SPSB4: variants seen among roughly 807,000 people sequenced by gnomAD.
The protein encoded by SPSB4 is splA/ryanodine receptor domain and SOCS box containing 4.
A neutral mutation model predicts 20.9 loss-of-function variants in SPSB4; 21 were observed. The observed-to-expected ratio is 1.01, with a 90% confidence interval of 0.71 to 1.45. SPSB4 has a LOEUF of 1.45. SPSB4 is among the 40% of genes most tolerant of loss of function. The probability of loss-of-function intolerance (pLI) is 0.00; values close to 1 mark genes in which losing one functional copy is unlikely to be tolerated. For missense variants in SPSB4, 399 were observed against 399.2 expected, an observed-to-expected ratio of 1.00 and a Z score of 0.00; for synonymous variants, 207 against 183.8, an observed-to-expected ratio of 1.13 and a Z score of -1.02.
chr3:141,112,644 C>CAAAAAAAAAAAAAAAAAAAAA (rs60396514), intron 2 of SPSB4, among the ~76,000 whole-genome samples: 2 of 32,878 alleles, frequency 6.1e-5, no homozygotes, highest in African/African-American at 1.2e-4. Context: ...GACTCCGTCT[C>CAAAAAAAAAAAAAAAAAAAAA]AAAAAAAAAA....
chr3:141,102,479 C>A (rs1215629493), intron 2 of SPSB4, among the ~76,000 whole-genome samples: 2 of 152,044 alleles, frequency 1.3e-5, no homozygotes, highest in Non-Finnish European at 2.9e-5. Flanking sequence ...ATCTAAGGAA[C>A]CTCTAAGCTT....
intron 2 of SPSB4, among the ~76,000 whole-genome samples, chr3:141,142,803 C>CTTTTTTTTTTTTTTTTTTTTT (rs57674247): frequency 1.6e-5 from 1 of 61,992 alleles, no homozygotes; most frequent in African/African-American, 5.1e-5. Context: ...CCCTCTTTGT[C>CTTTTTTTTTTTTTTTTTTTTT]TTTTTTTTTT....
chr3:141,070,869 G>A (rs1366336832), intron 2 of SPSB4, among the ~76,000 whole-genome samples: 4 of 152,338 alleles, frequency 2.6e-5, no homozygotes, highest in South Asian at 2.1e-4. Flanking sequence ...TTGTGGAGAC[G>A]TTTACCCTCA....
chr3:141,087,416 G>C (rs968830588), intron 2 of SPSB4, among the ~76,000 whole-genome samples: 2 of 152,204 alleles, frequency 1.3e-5, no homozygotes, highest in Non-Finnish European at 2.9e-5. Flanking sequence ...AGACAAAATT[G>C]AAGAAGGTGG....
chr3:141,077,939 C>T (rs1157156425), intron 2 of SPSB4, among the ~76,000 whole-genome samples: 1 of 152,266 alleles, frequency 6.6e-6, no homozygotes, highest in Non-Finnish European at 1.5e-5. Context: ...GCATCAACTG[C>T]ACGTCTGCCA....
chr3:141,134,675 T>C (rs1437321858), intron 2 of SPSB4, among the ~76,000 whole-genome samples: 1 of 152,180 alleles, frequency 6.6e-6, no homozygotes, highest in African/African-American at 2.4e-5. Context: ...ACCTGCTTGA[T>C]CATGGTTAAT....
At chr3:141,075,853 C>G (rs1437381293) in intron 2 of SPSB4, among the ~76,000 whole-genome samples, 2 of 149,888 alleles carry the variant, frequency 1.3e-5, no homozygotes, top group Admixed American at 1.3e-4. Context: ...TCGAGACCAC[C>G]CTGTCCAACA....
At chr3:141,112,751 G>A (rs1938823112) in intron 2 of SPSB4, among the ~76,000 whole-genome samples, 1 of 151,882 alleles carries the variant, frequency 6.6e-6, no homozygotes, top group Admixed American at 6.6e-5. Flanking sequence ...ACCCTAGATG[G>A]GTTATTGGGT....
intron 2 of SPSB4, among the ~76,000 whole-genome samples, chr3:141,111,255 G>A (rs1386185881): frequency 6.6e-6 from 1 of 151,250 alleles, no homozygotes; most frequent in Non-Finnish European, 1.5e-5. Flanking sequence ...AATATTCATA[G>A]GTTTCACTGT....
chr3:141,127,632 G>A (rs1406085401), intron 2 of SPSB4, among the ~76,000 whole-genome samples: 1 of 152,120 alleles, frequency 6.6e-6, no homozygotes. Flanking sequence ...TCACTGCCAG[G>A]ATTAAATGTG....
Position 141,075,519 on chromosome 3 carries a change from C to G in SPSB4, c.694+8721C>G, listed in dbSNP as rs1039997893. 2.6e-5 allele frequency among the ~76,000 whole-genome samples: 4 copies of G among 152,300 alleles called. No individual in the cohort carries two copies. The South Asian group carries it at 8.3e-4, about 32-fold the overall frequency. ...GATGGCACTTACCCCGTAGAGTTGT[C>G]AGCAACACTTCTCAAACCTCAGTGT... On this transcript the variant is annotated intron_variant, in intron 2 of 2. Transcript: ENST00000310546.
At chr3:141,115,926 TACTTA>T (rs1022793932) in intron 2 of SPSB4, among the ~76,000 whole-genome samples, 9 of 152,194 alleles carry the variant, frequency 5.9e-5, no homozygotes, top group East Asian at 1.9e-4. Context: ...TCATCAGTTT[TACTTA>T]ACTTAAGAAA....
intron 2 of SPSB4, among the ~76,000 whole-genome samples, chr3:141,130,379 A>G (rs1939114375): frequency 6.6e-6 from 1 of 152,192 alleles, no homozygotes; most frequent in Non-Finnish European, 1.5e-5. Context: ...CACCAAAACC[A>G]TAGTCTGTGG....
At chr3:141,142,415 TAA>T (rs1939344679) in intron 2 of SPSB4, among the ~76,000 whole-genome samples, 1 of 152,360 alleles carries the variant, frequency 6.6e-6, no homozygotes, top group East Asian at 1.9e-4. Context: ...ATACTTGATA[TAA>T]GTTTGATTTT....
chr3:141,103,161 A>G (rs1938638780), intron 2 of SPSB4, among the ~76,000 whole-genome samples: 1 of 152,230 alleles, frequency 6.6e-6, no homozygotes, highest in African/African-American at 2.4e-5. Flanking sequence ...AGCAGCCTAC[A>G]CTGGCCTGGA....
chr3:141,091,870 C>CTTCCTTTTGTCAGACAGT lies in SPSB4; in HGVS notation c.694+25082_694+25099dup, dbSNP rs542179509. Reference sequence around the variant, plus strand: ...CAGAGGTGGTGACAGGGCAGAGAGACTTCCTTTTGTCAGACAGTTTCCTTT... The same window carrying CTTCCTTTTGTCAGACAGT: ...CAGAGGTGGTGACAGGGCAGAGAGACTTCCTTTTGTCAGACAGTTTCCTTTTGTCAGACAGTTTCCTTT... On this transcript the variant is annotated intron_variant, in intron 2 of 2. Transcript: ENST00000310546. Among the ~76,000 whole-genome samples, 709 of 152,292 alleles carry CTTCCTTTTGTCAGACAGT rather than the reference C, an allele frequency of 4.7e-3. 5 individuals are homozygous for CTTCCTTTTGTCAGACAGT. Among genetic ancestry groups the CTTCCTTTTGTCAGACAGT allele is most frequent in the Non-Finnish European group, 7.4e-3 (506 of 68,028 alleles).
chr3:141,145,461 A>G (rs146593367), intron 2 of SPSB4, among the ~76,000 whole-genome samples: 1 of 152,132 alleles, frequency 6.6e-6, no homozygotes, highest in Non-Finnish European at 1.5e-5. Context: ...TCTTGACTAC[A>G]TTCCCATGTA....
chr3:141,083,440 C>T (rs918448080), intron 2 of SPSB4, among the ~76,000 whole-genome samples: 6 of 152,172 alleles, frequency 3.9e-5, no homozygotes, highest in Non-Finnish European at 2.9e-5. Flanking sequence ...GCCCCTGCCC[C>T]ACTTGGGGCT....
At chr3:141,124,637 A>G (rs539619389) in intron 2 of SPSB4, among the ~76,000 whole-genome samples, 18 of 152,234 alleles carry the variant, frequency 1.2e-4, no homozygotes, top group Admixed American at 7.2e-4. Flanking sequence ...GTGGACATGA[A>G]AGCACTTGGG....
Sources: allele counts gnomAD v4.1 joint callset (sites outside exome capture counted in the v4.1 genomes callset), GRCh38; gene constraint gnomAD v4.1.1; transcripts MANE v1.5; gene names NCBI Gene and HGNC (gene_info 2026-07-23, HGNC 2026-07-21).